The following PALLD variants were observed in gnomAD, a reference collection of about 807,000 sequenced individuals.
PALLD encodes palladin, cytoskeletal associated protein, also known as palladin.
Under a neutral mutation model 123.5 loss-of-function variants are expected in PALLD, and 61 were observed. That is an observed-to-expected ratio of 0.49 (90% CI 0.40 to 0.61). The LOEUF (loss-of-function observed/expected upper bound fraction) is 0.61, where lower values mean the gene tolerates loss of function less well. PALLD is among the 20% of genes least tolerant of loss of function. The pLI, the probability that PALLD is intolerant of heterozygous loss-of-function variation, is 0.00. For synonymous variants in PALLD, 465 were observed against 496.4 expected, an observed-to-expected ratio of 0.94 and a Z score of 0.84; for missense variants, 1,273 against 1,377.0, an observed-to-expected ratio of 0.92 and a Z score of 1.20.
At chr4:168,846,950 T>C (rs1178618223) in intron 10 of PALLD, among the ~76,000 whole-genome samples, 1 of 152,188 alleles carries the variant, frequency 6.6e-6, no homozygotes, top group Non-Finnish European at 1.5e-5. Flanking sequence ...CAAAACAGAA[T>C]TTTGATATTT....
At chr4:168,792,465 G>A (rs190923479) in intron 10 of PALLD, among the ~76,000 whole-genome samples, 2 of 152,010 alleles carry the variant, frequency 1.3e-5, no homozygotes, top group Non-Finnish European at 2.9e-5. Context: ...GTCTCTCTAT[G>A]ACTCTTCTAC....
chr4:168,734,671 A>G (rs1008834948), intron 10 of PALLD, among the ~76,000 whole-genome samples: 6 of 152,178 alleles, frequency 3.9e-5, no homozygotes, highest in African/African-American at 1.4e-4. Flanking sequence ...AAGGAGTACA[A>G]TATTCTATTA....
intron 10 of PALLD, among the ~76,000 whole-genome samples, chr4:168,807,513 G>A (rs543248890): frequency 6.6e-6 from 1 of 152,074 alleles, no homozygotes; most frequent in African/African-American, 2.4e-5. Context: ...GGGTTCGTGC[G>A]ATTCTACTGC....
intron 12 of PALLD, among the ~76,000 whole-genome samples, chr4:168,896,120 G>C (rs1447819346): frequency 6.6e-6 from 1 of 150,568 alleles, no homozygotes; most frequent in East Asian, 2.0e-4. Context: ...TGAGACATGA[G>C]AATCGCTTGA....
At chr4:168,711,348 C>T (rs920811434) in intron 9 of PALLD, among the ~76,000 whole-genome samples, 10 of 152,184 alleles carry the variant, frequency 6.6e-5, no homozygotes, top group Non-Finnish European at 1.5e-5. Flanking sequence ...TAGCTGGGTT[C>T]CCCAAATGTG....
intron 9 of PALLD, among the ~76,000 whole-genome samples, chr4:168,709,507 CAAGGAAGGAAGGAAGGAAGGAAGGAAGG>C (rs1352900768): frequency 1.3e-4 from 12 of 91,554 alleles, no homozygotes; most frequent in South Asian, 3.9e-4. Flanking sequence ...CAGACTCCAT[CAAGGAAGGAAGGAAGGAAGGAAGGAAGG>C]AAGGAAGGAA....
intron 2 of PALLD, among the ~76,000 whole-genome samples, chr4:168,652,335 T>G (rs369679066): frequency 6.6e-6 from 1 of 152,164 alleles, no homozygotes; most frequent in African/African-American, 2.4e-5. Flanking sequence ...GAAAATAAAT[T>G]TCATGAAACT....
chr4:168,748,474 T>A (rs1261573805), intron 10 of PALLD, among the ~76,000 whole-genome samples: 1 of 152,222 alleles, frequency 6.6e-6, no homozygotes, highest in Non-Finnish European at 1.5e-5. Context: ...TTAGTTGACT[T>A]CTATGGTGTA....
intron 10 of PALLD, among the ~76,000 whole-genome samples, chr4:168,765,374 T>C (rs1261901606): frequency 1.1e-4 from 16 of 152,110 alleles, no homozygotes; most frequent in Admixed American, 1.0e-3. Flanking sequence ...GATTAGGAAC[T>C]GCTGCGTTTT....
At chr4:168,816,115 T>C (rs1193457285) in intron 10 of PALLD, among the ~76,000 whole-genome samples, 3 of 152,160 alleles carry the variant, frequency 2.0e-5, no homozygotes, top group Non-Finnish European at 4.4e-5. Context: ...AATTTCTCAG[T>C]TGTTTATATG....
In PALLD at chr4:168,921,672, G is replaced by A. The variant is rs757307011; in HGVS notation, c.2989G>A (p.Gly997Ser). 2 of 1,611,222 alleles carry A rather than the reference G, an allele frequency of 1.2e-6. No homozygotes were observed. The highest frequency in any genetic ancestry group is 3.3e-5 in the Admixed American group (2 of 59,716). ...IIEPVTSRDAGIYTCIATNRA... is the reference protein window; with the variant it reads ...IIEPVTSRDASIYTCIATNRA... ...AGAGCCAGTCACGTCACGTGATGCC[G>A]GCATCTACACATGTATAGCTACCAA... The change falls in exon 18 of 22, where the codon GGC becomes AGC. Residue 997 changes from glycine to serine, a missense_variant. By Grantham distance (56) the Gly-to-Ser change is moderately conservative (BLOSUM62 0). Coordinates refer to ENST00000505667, the MANE Select transcript of PALLD (RefSeq NM_001166108.2).
At chr4:168,688,640 G>T (rs747016172) in intron 6 of PALLD, among the ~76,000 whole-genome samples, 2 of 152,226 alleles carry the variant, frequency 1.3e-5, no homozygotes, top group Non-Finnish European at 2.9e-5. Flanking sequence ...GGCTTACTAT[G>T]TTTAGCCATG....
At chr4:168,709,563 GAA>G (rs1491523169) in intron 9 of PALLD, among the ~76,000 whole-genome samples, 53 of 662 alleles carry the variant, frequency 0.08, 2 homozygotes, top group East Asian at 0.17. Context: ...AGGAAGGAAG[GAA>G]GGAAGGAAGG....
chr4:168,558,626 A>G (rs1256245415), intron 2 of PALLD, among the ~76,000 whole-genome samples: 1 of 152,126 alleles, frequency 6.6e-6, no homozygotes, highest in Non-Finnish European at 1.5e-5. Context: ...CTGGTTTTTA[A>G]TTCCTTTCTT....
Position 168,711,648 on chromosome 4 carries a change from A to T in PALLD, c.1689A>T (p.Pro563=). 6.2e-7 allele frequency: 1 copy of T among 1,613,796 alleles called. No homozygotes were observed. Among genetic ancestry groups the T allele is most frequent in the Non-Finnish European group, 8.5e-7 (1 of 1,179,926 alleles). The stretch of plus-strand genomic sequence containing the variant: ...ACAATGACCACTTCCAACACTTTCC[A>T]CCTCCCCCTCCAATCTTGGAGACAA... ...ESNNDHFQHF[P]PPPPILETSS... Residue 563 remains proline (P), a synonymous_variant, in exon 10 of 22, where the codon CCA becomes CCT. Coordinates refer to ENST00000505667, the MANE Select transcript of PALLD (RefSeq NM_001166108.2).
intron 2 of PALLD, among the ~76,000 whole-genome samples, chr4:168,652,125 C>G (rs1360259112): frequency 2.0e-5 from 3 of 152,090 alleles, no homozygotes; most frequent in Non-Finnish European, 4.4e-5. Context: ...CAGAGAGTTC[C>G]TTGAGCAGTG....
At chr4:168,535,273 G>A (rs1764991173) in intron 2 of PALLD, among the ~76,000 whole-genome samples, 1 of 152,084 alleles carries the variant, frequency 6.6e-6, no homozygotes, top group Admixed American at 6.6e-5. Flanking sequence ...AGTATTTTAA[G>A]GTACATAAGA....
intron 2 of PALLD, among the ~76,000 whole-genome samples, chr4:168,642,938 C>T (rs959397275): frequency 3.9e-5 from 6 of 152,130 alleles, no homozygotes; most frequent in African/African-American, 9.7e-5. Context: ...TGTTAGCAGA[C>T]GTGAAAGCTC....
chr4:168,821,749 G>A (rs138912281), intron 10 of PALLD, among the ~76,000 whole-genome samples: 84 of 151,874 alleles, frequency 5.5e-4, no homozygotes, highest in African/African-American at 6.0e-4. Flanking sequence ...GCATGGTGGC[G>A]CGTGCCTGTA....
Sources: allele counts gnomAD v4.1 joint callset (sites outside exome capture counted in the v4.1 genomes callset), GRCh38; gene constraint gnomAD v4.1.1; transcripts MANE v1.5; gene names NCBI Gene and HGNC (gene_info 2026-07-23, HGNC 2026-07-21).